Variants in NKAIN3 observed in about 807,000 individuals in gnomAD.
NKAIN3 encodes sodium/potassium transporting ATPase interacting 3, also known as sodium/potassium-transporting ATPase subunit beta-1-interacting protein 3.
NKAIN3 carries 25 observed loss-of-function variants against 30.2 expected under a neutral mutation model. That is an observed-to-expected ratio of 0.83 (90% confidence interval 0.60 to 1.16). The LOEUF is 1.16. NKAIN3 is among the 50% of genes most tolerant of loss of function. NKAIN3 has a pLI of 0.00. For missense variants in NKAIN3, 225 were observed against 254.1 expected, an observed-to-expected ratio of 0.89 and a Z score of 0.78; for synonymous variants, 91 against 89.6, an observed-to-expected ratio of 1.02 and a Z score of -0.09.
At chr8:62,791,559 ATTC>A (rs1446369628) in intron 4 of NKAIN3, among the ~76,000 whole-genome samples, 3 of 152,146 alleles carry the variant, frequency 2.0e-5, no homozygotes, top group African/African-American at 7.2e-5. Context: ...AACTGAAAAC[ATTC>A]TTCAATGTGT....
At chr8:62,525,477 A>G (rs562612608) in intron 1 of NKAIN3, among the ~76,000 whole-genome samples, 7 of 152,284 alleles carry the variant, frequency 4.6e-5, no homozygotes, top group African/African-American at 1.7e-4. Context: ...GCTCCCACTT[A>G]TCAGTGAAAA....
At chr8:62,956,666 T>TA (rs969979047) in intron 6 of NKAIN3, among the ~76,000 whole-genome samples, 59 of 152,054 alleles carry the variant, frequency 3.9e-4, no homozygotes, top group Middle Eastern at 6.8e-3. Context: ...GATATCAAGC[T>TA]AAAAAAAAGC....
At chr8:62,557,547 T>A (rs1256267281) in intron 1 of NKAIN3, among the ~76,000 whole-genome samples, 2 of 152,102 alleles carry the variant, frequency 1.3e-5, no homozygotes, top group Non-Finnish European at 2.9e-5. Flanking sequence ...GTTCCCTGTT[T>A]ACCACATCCA....
chr8:62,548,404 G>T (rs570362977), intron 1 of NKAIN3, among the ~76,000 whole-genome samples: 16 of 152,186 alleles, frequency 1.1e-4, no homozygotes, highest in Non-Finnish European at 1.9e-4. Flanking sequence ...TCTCTGTCAG[G>T]ACTCAGTCTG....
At chr8:62,512,463 C>T (rs1312071235) in intron 1 of NKAIN3, among the ~76,000 whole-genome samples, 1 of 152,070 alleles carries the variant, frequency 6.6e-6, no homozygotes, top group African/African-American at 2.4e-5. Flanking sequence ...CCATGGTTTC[C>T]CTGGTTTTGA....
chr8:62,726,020 C>G (rs1815245435), intron 3 of NKAIN3, among the ~76,000 whole-genome samples: 1 of 151,902 alleles, frequency 6.6e-6, no homozygotes, highest in Admixed American at 6.6e-5. Context: ...CAGCTTCTTT[C>G]AATGTTTTAT....
chr8:62,498,780 T>C (rs1807321912), intron 1 of NKAIN3, among the ~76,000 whole-genome samples: 1 of 151,542 alleles, frequency 6.6e-6, no homozygotes, highest in Non-Finnish European at 1.5e-5. Flanking sequence ...GTCCATCAGA[T>C]AAGCAAGACA....
intron 1 of NKAIN3, among the ~76,000 whole-genome samples, chr8:62,275,476 C>T (rs1812918345): frequency 6.6e-6 from 1 of 152,140 alleles, no homozygotes; most frequent in Admixed American, 6.6e-5. Context: ...TTATTTCCCC[C>T]ACATTATGAG....
chr8:62,594,795 T>TCCTC (rs979121687), intron 3 of NKAIN3, among the ~76,000 whole-genome samples: 4 of 151,800 alleles, frequency 2.6e-5, no homozygotes, highest in Admixed American at 2.6e-4. Context: ...CTTCCTTCCT[T>TCCTC]CCTCCCTTCC....
At chr8:62,470,690 C>T (rs959155501) in intron 1 of NKAIN3, among the ~76,000 whole-genome samples, 6 of 151,896 alleles carry the variant, frequency 4.0e-5, no homozygotes, top group African/African-American at 9.7e-5. Flanking sequence ...CCAGTGATAA[C>T]GTTAAGATGT....
intron 4 of NKAIN3, among the ~76,000 whole-genome samples, chr8:62,763,157 C>T (rs1816721482): frequency 7.8e-6 from 1 of 128,386 alleles, no homozygotes; most frequent in African/African-American, 2.9e-5. Flanking sequence ...GGAGGCGGAG[C>T]TTGCAGTGAA....
chr8:62,704,670 C>A (rs1315877927), intron 3 of NKAIN3, among the ~76,000 whole-genome samples: 1 of 152,174 alleles, frequency 6.6e-6, no homozygotes, highest in Non-Finnish European at 1.5e-5. Flanking sequence ...AGAGAGCCTT[C>A]TAGATTTCCA....
chr8:62,896,166 C>A (rs560532804), intron 4 of NKAIN3, among the ~76,000 whole-genome samples: 2 of 152,076 alleles, frequency 1.3e-5, no homozygotes, highest in East Asian at 1.9e-4. Context: ...GGGTGAGGGC[C>A]CCCCTCTTGA....
At chr8:62,929,963 A>T (rs1046899143) in intron 5 of NKAIN3, among the ~76,000 whole-genome samples, 2 of 152,204 alleles carry the variant, frequency 1.3e-5, no homozygotes, top group Non-Finnish European at 2.9e-5. Flanking sequence ...CCACTGCTCT[A>T]GATGCTACAT....
chr8:62,503,359 C>G (rs1807522713), intron 1 of NKAIN3, among the ~76,000 whole-genome samples: 1 of 152,140 alleles, frequency 6.6e-6, no homozygotes. Flanking sequence ...AAAGGCAGAG[C>G]AAAGATCACA....
chr8:62,254,888 A>T (rs753971402), intron 1 of NKAIN3, among the ~76,000 whole-genome samples: 104 of 152,224 alleles, frequency 6.8e-4, no homozygotes, highest in Non-Finnish European at 3.2e-4. Context: ...TACAGTCAAC[A>T]TGGATTAGTT....
chr8:62,719,604 C>T (rs1815018374), intron 3 of NKAIN3, among the ~76,000 whole-genome samples: 1 of 152,102 alleles, frequency 6.6e-6, no homozygotes, highest in African/African-American at 2.4e-5. Flanking sequence ...TTCCTCTGAG[C>T]ATATGGCTTT....
At position 62,965,429 on chromosome 8, in the gene NKAIN3, C is replaced by A. The variant is rs1038279347; in HGVS notation, c.*22C>A. ...TTAGGGAGCAAAGGACCATTGACTGCGCGCCTCGGTGGATCCGACCCGCCT... is the reference window on the plus strand; with the variant it reads ...TTAGGGAGCAAAGGACCATTGACTGAGCGCCTCGGTGGATCCGACCCGCCT... On this transcript the variant is annotated 3_prime_UTR_variant, in exon 7 of 7. Coordinates refer to ENST00000623646, the MANE Select transcript of NKAIN3 (RefSeq NM_001304533.3). The A allele has an allele frequency of 2.0e-6, 2 of 985,498 alleles. No individual in the cohort carries two copies. Among genetic ancestry groups the A allele is most frequent in the African/African-American group, 3.5e-5 (2 of 57,164 alleles). 61.0% of individuals were successfully genotyped at this position (985,498 alleles called of 1,614,324 possible).
At chr8:62,496,554 G>T (rs1383081588) in intron 1 of NKAIN3, among the ~76,000 whole-genome samples, 1 of 152,110 alleles carries the variant, frequency 6.6e-6, no homozygotes, top group African/African-American at 2.4e-5. Flanking sequence ...GCTTCAAGAA[G>T]TTCAATATGA....
Sources: allele counts gnomAD v4.1 joint callset (sites outside exome capture counted in the v4.1 genomes callset), GRCh38; gene constraint gnomAD v4.1.1; transcripts MANE v1.5; gene names NCBI Gene and HGNC (gene_info 2026-07-23, HGNC 2026-07-21).